The following SH2D4A variants were observed in gnomAD, a reference collection of about 807,000 sequenced individuals.
The protein encoded by SH2D4A is SH2 domain-containing protein 4A.
A neutral mutation model predicts 64.7 loss-of-function variants in SH2D4A; 70 were observed. The observed-to-expected ratio is 1.08, with a 90% CI of 0.89 to 1.32. The LOEUF (loss-of-function observed/expected upper bound fraction) is 1.32. SH2D4A is among the 40% of genes most tolerant of loss of function. The probability of loss-of-function intolerance (pLI) is 0.00; values close to 1 mark genes in which losing one functional copy is unlikely to be tolerated. For synonymous variants in SH2D4A, 268 were observed against 200.7 expected (o/e 1.34, Z -2.83); for missense variants, 706 against 540.1 (o/e 1.31, Z -3.04).
chr8:19,358,165 A>T (rs1179132471), intron 5 of SH2D4A, among the ~76,000 whole-genome samples: 1 of 152,218 alleles, frequency 6.6e-6, no homozygotes, highest in Non-Finnish European at 1.5e-5. Context: ...TTCTGCTTAG[A>T]TCTCACTATG....
intron 6 of SH2D4A, among the ~76,000 whole-genome samples, chr8:19,363,348 A>G (rs1294102217): frequency 6.6e-6 from 1 of 152,104 alleles, no homozygotes; most frequent in Non-Finnish European, 1.5e-5. Context: ...AAGTGCAGGT[A>G]TTACAGGTAT....
At chr8:19,341,829 A>G (rs1477296978) in intron 4 of SH2D4A, among the ~76,000 whole-genome samples, 1 of 148,484 alleles carries the variant, frequency 6.7e-6, no homozygotes, top group Non-Finnish European at 1.5e-5. Flanking sequence ...GTGACAGAGC[A>G]AAACCTTGTC....
chr8:19,347,192 A>G (rs1426837210), intron 4 of SH2D4A, among the ~76,000 whole-genome samples: 1 of 152,168 alleles, frequency 6.6e-6, no homozygotes, highest in Non-Finnish European at 1.5e-5. Flanking sequence ...CTGGGTGCCT[A>G]CACTGAACTG....
chr8:19,334,300 C>G (rs1189223082), intron 3 of SH2D4A, among the ~76,000 whole-genome samples: 1 of 152,208 alleles, frequency 6.6e-6, no homozygotes, highest in Non-Finnish European at 1.5e-5. Context: ...AACTTTAAAA[C>G]TATCCATGGA....
At chr8:19,353,345 C>G (rs1161614038) in intron 4 of SH2D4A, among the ~76,000 whole-genome samples, 16 of 149,968 alleles carry the variant, frequency 1.1e-4, no homozygotes, top group Admixed American at 1.1e-3. Flanking sequence ...TAAGTCATTA[C>G]TTTTGAGTCC....
At chr8:19,358,244 G>T (rs2052825152) in intron 5 of SH2D4A, among the ~76,000 whole-genome samples, 1 of 152,162 alleles carries the variant, frequency 6.6e-6, no homozygotes, top group Non-Finnish European at 1.5e-5. Context: ...TTTATTGAGT[G>T]TCTACTACAC....
chr8:19,370,769 A>G (rs763435915), intron 7 of SH2D4A, among the ~76,000 whole-genome samples: 2 of 151,980 alleles, frequency 1.3e-5, no homozygotes, highest in Non-Finnish European at 2.9e-5. Context: ...TACTATGGCA[A>G]TTTTCCTTCT....
At chr8:19,391,677 C>G (rs1229136485) in intron 8 of SH2D4A, among the ~76,000 whole-genome samples, 2 of 152,122 alleles carry the variant, frequency 1.3e-5, no homozygotes, top group African/African-American at 4.8e-5. Context: ...AGGAGAAGGT[C>G]TGGTTGGATG....
At chr8:19,388,208 A>G (rs12335103) in intron 8 of SH2D4A, among the ~76,000 whole-genome samples, 23,440 of 152,224 alleles carry the variant, frequency 0.15, 2,079 homozygotes, top group African/African-American at 0.23. Flanking sequence ...CCCCAGAATA[A>G]GAGACAAGAG....
intron 2 of SH2D4A, among the ~76,000 whole-genome samples, chr8:19,324,429 A>G (rs143623933): frequency 6.6e-6 from 1 of 152,292 alleles, no homozygotes; most frequent in African/African-American, 2.4e-5. Context: ...TGTTAAGGCC[A>G]TTGGTTCATG....
intron 8 of SH2D4A, among the ~76,000 whole-genome samples, chr8:19,377,519 A>G (rs1192177397): frequency 6.6e-6 from 1 of 152,210 alleles, no homozygotes. Flanking sequence ...AAACATATAT[A>G]TTGTAATAAA....
At chr8:19,370,224 A>C (rs981179072) in intron 7 of SH2D4A, among the ~76,000 whole-genome samples, 3 of 152,082 alleles carry the variant, frequency 2.0e-5, no homozygotes, top group African/African-American at 7.2e-5. Flanking sequence ...GATACTGTGT[A>C]TTCTGCAGCT....
intron 8 of SH2D4A, among the ~76,000 whole-genome samples, chr8:19,383,057 T>A (rs191925905): frequency 1.4e-4 from 21 of 152,088 alleles, no homozygotes; most frequent in African/African-American, 5.1e-4. Flanking sequence ...TTTAAGTTCA[T>A]CTCACTTGGA....
At chr8:19,355,073 C>A (rs1452231956) in intron 4 of SH2D4A, among the ~76,000 whole-genome samples, 1 of 152,124 alleles carries the variant, frequency 6.6e-6, no homozygotes, top group Non-Finnish European at 1.5e-5. Flanking sequence ...TGATAAGTAG[C>A]AATTGTGAAA....
At chr8:19,363,982 G>A (rs2153648669) in intron 6 of SH2D4A, 90 bp from the exon 7 acceptor site, 1 of 1,217,298 alleles carries the variant, frequency 8.2e-7, no homozygotes, top group African/African-American at 1.5e-5. Context: ...CTGAGAACCT[G>A]CGCTGCTGCC....
chr8:19,386,523 G>A (rs1412671944), intron 8 of SH2D4A, among the ~76,000 whole-genome samples: 1 of 152,156 alleles, frequency 6.6e-6, no homozygotes, highest in Non-Finnish European at 1.5e-5. Flanking sequence ...GATGGCAGTG[G>A]CTGTGCCCGG....
At chr8:19,372,399 A>T (rs1039722761) in intron 7 of SH2D4A, among the ~76,000 whole-genome samples, 1 of 152,184 alleles carries the variant, frequency 6.6e-6, no homozygotes, top group Non-Finnish European at 1.5e-5. Flanking sequence ...ACTCCAGTAC[A>T]GAAGACTGTT....
At chr8:19,354,650 A>C (rs1022665251) in intron 4 of SH2D4A, among the ~76,000 whole-genome samples, 1 of 152,262 alleles carries the variant, frequency 6.6e-6, no homozygotes, top group African/African-American at 2.4e-5. Flanking sequence ...AGTAGTAAAA[A>C]TACCTGGTTC....
chr8:19,317,905 T>C (rs913034229), intron 1 of SH2D4A, among the ~76,000 whole-genome samples: 1 of 152,000 alleles, frequency 6.6e-6, no homozygotes, highest in Non-Finnish European at 1.5e-5. Context: ...CTTTTTTTTT[T>C]CTTTTTTTAT....
Sources: gnomAD v4.1 joint callset for allele counts (sites outside exome capture counted in the v4.1 genomes callset) on GRCh38, gnomAD v4.1.1 for gene constraint, MANE v1.5 for transcripts, NCBI Gene and HGNC (gene_info 2026-07-23, HGNC 2026-07-21) for gene names.